DLC1: variants seen among roughly 807,000 people sequenced by gnomAD.
The protein encoded by DLC1 is DLC1 Rho GTPase activating protein, also known as rho GTPase-activating protein 7.
In DLC1, 54 loss-of-function variants were observed where a neutral mutation model predicts 140.3. The observed-to-expected ratio is 0.38, with a 90% CI of 0.31 to 0.48. The LOEUF (loss-of-function observed/expected upper bound fraction) is 0.48. Among genes scored for constraint, DLC1 ranks in the 20% least tolerant of loss-of-function variants. The pLI, the probability that DLC1 is intolerant of heterozygous loss-of-function variation, is 0.96. For synonymous variants in DLC1, 986 were observed against 728.1 expected (o/e 1.35, Z -5.70); for missense variants, 2,536 against 1,907.0 (o/e 1.33, Z -6.14).
chr8:13,467,326 G>A (rs1253949461), intron 2 of DLC1, among the ~76,000 whole-genome samples: 2 of 152,148 alleles, frequency 1.3e-5, no homozygotes, highest in East Asian at 3.8e-4. Flanking sequence ...ATGATAGTAT[G>A]TTCCCATTTG....
At chr8:13,576,681 G>A (rs370126538) in intron 1 of DLC1, among the ~76,000 whole-genome samples, 2 of 152,090 alleles carry the variant, frequency 1.3e-5, no homozygotes, top group African/African-American at 4.8e-5. Flanking sequence ...TTCTTTTTGG[G>A]AGCATTTGCG....
chr8:13,529,720 C>T (rs1330224783), intron 1 of DLC1, among the ~76,000 whole-genome samples: 1 of 152,148 alleles, frequency 6.6e-6, no homozygotes, highest in African/African-American at 2.4e-5. Context: ...AGCACCTATC[C>T]TTCCAGAAAG....
At chr8:13,471,413 C>A (rs1386767302) in intron 2 of DLC1, among the ~76,000 whole-genome samples, 1 of 149,584 alleles carries the variant, frequency 6.7e-6, no homozygotes, top group Non-Finnish European at 1.5e-5. Flanking sequence ...AAAACACTGT[C>A]ATACACCCTT....
intron 1 of DLC1, among the ~76,000 whole-genome samples, chr8:13,583,533 T>C (rs1183062897): frequency 3.3e-5 from 5 of 152,182 alleles, no homozygotes; most frequent in Non-Finnish European, 7.3e-5. Context: ...CCCCTCAAAG[T>C]AATCCAGGAG....
At chr8:13,587,821 A>T (rs1013675890) in intron 1 of DLC1, among the ~76,000 whole-genome samples, 2 of 151,576 alleles carry the variant, frequency 1.3e-5, no homozygotes, top group Admixed American at 6.6e-5. Flanking sequence ...CTACTCTCAG[A>T]TTCACACTTT....
intron 4 of DLC1, among the ~76,000 whole-genome samples, chr8:13,385,681 T>C (rs908144722): frequency 2.6e-5 from 4 of 152,200 alleles, no homozygotes; most frequent in Non-Finnish European, 5.9e-5. Context: ...ATTTTTATTG[T>C]TTCATTTTGA....
chr8:13,440,204 G>A (rs781306565), intron 2 of DLC1, among the ~76,000 whole-genome samples: 36 of 152,228 alleles, frequency 2.4e-4, no homozygotes, highest in South Asian at 4.2e-4. Flanking sequence ...TTTTATTTGC[G>A]GTGTATCTTG....
chr8:13,254,415 A>G (rs1830131084), intron 5 of DLC1, among the ~76,000 whole-genome samples: 1 of 152,130 alleles, frequency 6.6e-6, no homozygotes, highest in Non-Finnish European at 1.5e-5. Flanking sequence ...ACATCTCCAG[A>G]TCGTTGAAGA....
intron 5 of DLC1, among the ~76,000 whole-genome samples, chr8:13,185,744 A>G (rs1437923092): frequency 6.6e-6 from 1 of 152,096 alleles, no homozygotes. Flanking sequence ...CCTAACATTG[A>G]TGGTCTTTAC....
chr8:13,506,608 T>TATATATATATATATAC (rs1802093196), intron 1 of DLC1, among the ~76,000 whole-genome samples: 3 of 137,890 alleles, frequency 2.2e-5, no homozygotes, highest in African/African-American at 8.6e-5. Context: ...TATATATATA[T>TATATATATATATATAC]ACACATATAT....
chr8:13,162,409 G>A (rs1324900044), intron 5 of DLC1, among the ~76,000 whole-genome samples: 1 of 152,092 alleles, frequency 6.6e-6, no homozygotes, highest in African/African-American at 2.4e-5. Context: ...TGCGTCCTCC[G>A]CCTCCCAGGT....
chr8:13,412,661 C>T (rs543193678), intron 2 of DLC1, among the ~76,000 whole-genome samples: 12 of 152,070 alleles, frequency 7.9e-5, no homozygotes, highest in African/African-American at 2.4e-4. Context: ...TCCCTTTGTG[C>T]GGTGGCTCAC....
chr8:13,421,247 C>G (rs570718087), intron 2 of DLC1, among the ~76,000 whole-genome samples: 3 of 152,154 alleles, frequency 2.0e-5, no homozygotes, highest in African/African-American at 7.2e-5. Context: ...TATTATTAAG[C>G]TTTTCTGCAT....
At chr8:13,600,659 A>C (rs1038685330) in intron 1 of DLC1, among the ~76,000 whole-genome samples, 1 of 151,834 alleles carries the variant, frequency 6.6e-6, no homozygotes, top group African/African-American at 2.4e-5. Flanking sequence ...AAAAGATTTT[A>C]TTTTAGTTTG....
intron 1 of DLC1, among the ~76,000 whole-genome samples, chr8:13,527,036 C>A (rs1044854567): frequency 1.3e-5 from 2 of 151,978 alleles, no homozygotes; most frequent in African/African-American, 4.8e-5. Context: ...CTAACTAGTT[C>A]CAGCAGCTTC....
At chr8:13,442,609 C>A (rs1369382900) in intron 2 of DLC1, among the ~76,000 whole-genome samples, 1 of 152,196 alleles carries the variant, frequency 6.6e-6, no homozygotes, top group African/African-American at 2.4e-5. Flanking sequence ...AAAAAATGCT[C>A]ATCATCACTG....
chr8:13,214,420 G>C, intron 5 of DLC1: 1 of 476,144 alleles, frequency 2.1e-6, no homozygotes, highest in Non-Finnish European at 3.7e-6. Flanking sequence ...TTGGTCTGAA[G>C]GACCTTGCAG....
chr8:13,200,707 A>G (rs1161203712), intron 5 of DLC1, among the ~76,000 whole-genome samples: 1 of 151,786 alleles, frequency 6.6e-6, no homozygotes, highest in Non-Finnish European at 1.5e-5. Flanking sequence ...AGGGCTCAAG[A>G]GATCCTCCTA....
At chr8:13,262,889 A>G (rs573723128) in intron 5 of DLC1, among the ~76,000 whole-genome samples, 22 of 152,204 alleles carry the variant, frequency 1.4e-4, no homozygotes, top group Non-Finnish European at 1.8e-4. Context: ...AATAACCATC[A>G]CTAGTTATGA....
Sources: allele counts gnomAD v4.1 joint callset (sites outside exome capture counted in the v4.1 genomes callset), GRCh38; gene constraint gnomAD v4.1.1; transcripts MANE v1.5; gene names NCBI Gene and HGNC (gene_info 2026-07-23, HGNC 2026-07-21).